The following ADCY2 variants were observed in gnomAD, a reference collection of about 807,000 sequenced individuals.
ADCY2 encodes the protein adenylate cyclase type 2.
Under a neutral mutation model 125.2 loss-of-function variants are expected in ADCY2, and 31 were observed. The observed-to-expected ratio is 0.25, with a 90% CI of 0.19 to 0.33. The LOEUF is 0.33. ADCY2 is among the 10% of genes least tolerant of loss of function. ADCY2 has a pLI of 1.00. For synonymous variants in ADCY2, 512 were observed against 548.4 expected, an observed-to-expected ratio of 0.93 and a Z score of 0.93; for missense variants, 904 against 1,418.2, an observed-to-expected ratio of 0.64 and a Z score of 5.82.
At chr5:7,415,179 A>G (rs1310485854) in intron 2 of ADCY2, among the ~76,000 whole-genome samples, 2 of 152,110 alleles carry the variant, frequency 1.3e-5, no homozygotes, top group Non-Finnish European at 2.9e-5. Context: ...TATACAATAC[A>G]TTATTATTAA....
At chr5:7,616,056 T>G (rs1737747454) in intron 3 of ADCY2, among the ~76,000 whole-genome samples, 1 of 152,202 alleles carries the variant, frequency 6.6e-6, no homozygotes, top group African/African-American at 2.4e-5. Context: ...ATACTTAAGT[T>G]GCTATGACCT....
intron 3 of ADCY2, among the ~76,000 whole-genome samples, chr5:7,578,018 G>A (rs767234895): frequency 6.6e-6 from 1 of 152,178 alleles, no homozygotes; most frequent in South Asian, 2.1e-4. Context: ...ACCTGTGTCT[G>A]TCATAGGCAT....
At chr5:7,559,423 T>C (rs572586741) in intron 3 of ADCY2, among the ~76,000 whole-genome samples, 25 of 152,354 alleles carry the variant, frequency 1.6e-4, no homozygotes, top group Non-Finnish European at 3.1e-4. Context: ...AGGTATTTTA[T>C]ACTTTTTGTG....
At chr5:7,460,887 G>A (rs139075229) in intron 2 of ADCY2, among the ~76,000 whole-genome samples, 298 of 152,280 alleles carry the variant, frequency 2.0e-3, no homozygotes, top group African/African-American at 7.0e-3. Flanking sequence ...CTTTCTTTAA[G>A]CTTTGCTTCT....
intron 20 of ADCY2, chr5:7,801,399 C>T (rs1293913572): frequency 6.6e-6 from 1 of 152,258 alleles, no homozygotes; most frequent in African/African-American, 2.4e-5. Context: ...CCATGCTGCA[C>T]TGCGTCCACA....
At chr5:7,418,852 A>G (rs1188721860) in intron 2 of ADCY2, among the ~76,000 whole-genome samples, 1 of 151,632 alleles carries the variant, frequency 6.6e-6, no homozygotes, top group African/African-American at 2.4e-5. Flanking sequence ...GACGGGTTTC[A>G]CCATATTGGT....
rs75744794 is a variant in ADCY2, at chr5:7,722,238, C to G, written c.1704-2307C>G. On this transcript the variant is annotated intron_variant, in intron 12 of 24. Coordinates refer to ENST00000338316, the MANE Select transcript of ADCY2 (RefSeq NM_020546.3). Reference sequence around the variant, plus strand: ...AAGGCAAGGAAGCCTGATCCTGAGCCCTTGCCGTCCACCTGTAGGTCACAG... The same window carrying G: ...AAGGCAAGGAAGCCTGATCCTGAGCGCTTGCCGTCCACCTGTAGGTCACAG... Among the ~76,000 whole-genome samples, 432 of 152,234 alleles carry G rather than the reference C, an allele frequency of 2.8e-3. 3 individuals carry two copies. Among genetic ancestry groups the G allele is most frequent in the East Asian group, 0.026 (133 of 5,154 alleles).
At chr5:7,752,814 A>G (rs906978790) in intron 15 of ADCY2, among the ~76,000 whole-genome samples, 7 of 151,838 alleles carry the variant, frequency 4.6e-5, no homozygotes, top group African/African-American at 1.5e-4. Context: ...TGGATTAAGA[A>G]CATTGGGATT....
intron 1 of ADCY2, among the ~76,000 whole-genome samples, chr5:7,412,636 A>C (rs1348724952): frequency 1.3e-5 from 2 of 152,232 alleles, no homozygotes; most frequent in Non-Finnish European, 2.9e-5. Flanking sequence ...AGAGAAAAAG[A>C]ACATCTCATT....
chr5:7,781,940 A>G (rs1197243912), intron 18 of ADCY2, among the ~76,000 whole-genome samples: 1 of 152,224 alleles, frequency 6.6e-6, no homozygotes, highest in East Asian at 1.9e-4. Flanking sequence ...GGCCCACACA[A>G]GAGAGAAGTC....
At chr5:7,470,875 T>C (rs1249440824) in intron 2 of ADCY2, among the ~76,000 whole-genome samples, 10 of 151,806 alleles carry the variant, frequency 6.6e-5, no homozygotes, top group African/African-American at 2.2e-4. Context: ...GAGGTGTTGA[T>C]TTTTCCAACT....
intron 2 of ADCY2, among the ~76,000 whole-genome samples, chr5:7,482,767 G>GATATAT (rs140354609): frequency 0.038 from 4,527 of 119,040 alleles, 173 homozygotes; most frequent in African/African-American, 0.089. Context: ...AAGAAAATGT[G>GATATAT]ATATATATAT....
chr5:7,808,365 G>A (rs1235982335), intron 22 of ADCY2, among the ~76,000 whole-genome samples: 1 of 152,158 alleles, frequency 6.6e-6, no homozygotes, highest in East Asian at 1.9e-4. Flanking sequence ...TTGCATCTGT[G>A]CCCAGTCCAC....
intron 7 of ADCY2, among the ~76,000 whole-genome samples, chr5:7,705,178 C>T (rs1414362178): frequency 6.6e-6 from 1 of 152,168 alleles, no homozygotes; most frequent in Non-Finnish European, 1.5e-5. Context: ...ATCATCATTG[C>T]TCAAAGACAG....
intron 2 of ADCY2, among the ~76,000 whole-genome samples, chr5:7,429,053 A>G (rs1158651554): frequency 6.6e-6 from 1 of 152,114 alleles, no homozygotes; most frequent in Non-Finnish European, 1.5e-5. Flanking sequence ...AGTGATTTGT[A>G]GAGGGTCCCA....
chr5:7,754,903 CCTT>C (rs539449832), intron 15 of ADCY2, among the ~76,000 whole-genome samples: 3 of 151,958 alleles, frequency 2.0e-5, no homozygotes, highest in South Asian at 2.1e-4. Flanking sequence ...AAACAAAAAA[CCTT>C]CTTCTACGGA....
At chr5:7,590,525 G>A (rs899575867) in intron 3 of ADCY2, among the ~76,000 whole-genome samples, 1 of 151,470 alleles carries the variant, frequency 6.6e-6, no homozygotes, top group Non-Finnish European at 1.5e-5. Flanking sequence ...TTTTGTGCTT[G>A]TTTGGATTTA....
At chr5:7,803,112 C>T (rs917541635) in intron 21 of ADCY2, among the ~76,000 whole-genome samples, 1 of 152,198 alleles carries the variant, frequency 6.6e-6, no homozygotes, top group African/African-American at 2.4e-5. Context: ...TGTGCACTTT[C>T]TGTCACCACC....
chr5:7,697,487 A>T (rs1048925039), intron 6 of ADCY2, among the ~76,000 whole-genome samples: 2 of 152,158 alleles, frequency 1.3e-5, no homozygotes, highest in Non-Finnish European at 2.9e-5. Flanking sequence ...ACTCAAAACC[A>T]TTGCCATTCA....
Sources: gnomAD v4.1 joint callset for allele counts (sites outside exome capture counted in the v4.1 genomes callset) on GRCh38, gnomAD v4.1.1 for gene constraint, MANE v1.5 for transcripts, NCBI Gene and HGNC (gene_info 2026-07-23, HGNC 2026-07-21) for gene names.